The following ANAPC2 variants were observed in gnomAD, a reference collection of about 807,000 sequenced individuals.
The protein encoded by ANAPC2 is anaphase-promoting complex subunit 2.
In ANAPC2, 29 loss-of-function variants were observed where a neutral mutation model predicts 84.3. That is an observed-to-expected ratio of 0.34 (90% confidence interval 0.26 to 0.47). The LOEUF (loss-of-function observed/expected upper bound fraction) is 0.47. Ranked by LOEUF, ANAPC2 falls within the 20% of genes least tolerant of loss-of-function variation. The probability of loss-of-function intolerance (pLI) is 1.00; values close to 1 mark genes in which losing one functional copy is unlikely to be tolerated. For missense variants in ANAPC2, 857 were observed against 1,131.7 expected, an observed-to-expected ratio of 0.76 and a Z score of 3.48; for synonymous variants, 571 against 479.4, an observed-to-expected ratio of 1.19 and a Z score of -2.50.
In ANAPC2 at chr9:137,183,654, C is replaced by G; in HGVS notation, c.1168+18G>C. On this transcript the variant is annotated intron_variant, in intron 5 of 12. Coordinates refer to ENST00000323927, the MANE Select transcript of ANAPC2 (RefSeq NM_013366.4). ...TGTCTAAGCCCAGAGTGCTGGGTGG[C>G]CGGGCAGCACACAGCACCTGGATGC... 6.2e-7 allele frequency: 1 copy of G among 1,604,286 alleles called. No homozygotes were observed. Among genetic ancestry groups the G allele is most frequent in the Non-Finnish European group, 8.5e-7 (1 of 1,175,002 alleles).
At chr9:137,185,310 G>A (rs776592276) in intron 3 of ANAPC2, among the ~76,000 whole-genome samples, 13 of 152,210 alleles carry the variant, frequency 8.5e-5, no homozygotes, top group Non-Finnish European at 1.3e-4. Flanking sequence ...CCTCTCACAC[G>A]CGCCAGTGCC....
chr9:137,187,132 G>A lies in ANAPC2; in HGVS notation c.740+349C>T, dbSNP rs117274180. 2.4e-3 allele frequency: 670 copies of A among 276,990 alleles called. 2 individuals carry two copies. Among genetic ancestry groups the A allele is most frequent in the Non-Finnish European group, 4.0e-3 (572 of 144,766 alleles). 17.2% of individuals were successfully genotyped at this position (276,990 alleles called of 1,614,324 possible). A position where few individuals can be genotyped will look rare whatever the true frequency, so the allele number is the denominator to read the frequency against. On this transcript the variant is annotated intron_variant, in intron 2 of 12. Transcript: ENST00000323927. ...GCTTCTGTTCACAATTACAGGGCAA[G>A]GAATGTCGACGAGGGTGAGAATCAT...
Position 137,180,433 on chromosome 9 carries a change from G to C in ANAPC2, c.1686+19C>G. ...GGGACCTGCGGGGCGGCCGGGCAGCGGGCGGGGCTGGGACCCACCTTCAGC... is the reference window on the plus strand; with the variant it reads ...GGGACCTGCGGGGCGGCCGGGCAGCCGGCGGGGCTGGGACCCACCTTCAGC... On this transcript the variant is annotated intron_variant, in intron 9 of 12. Coordinates refer to ENST00000323927, the MANE Select transcript of ANAPC2 (RefSeq NM_013366.4). The C allele has an allele frequency of 6.2e-7, 1 of 1,612,724 alleles. No homozygotes were observed. Among genetic ancestry groups the C allele is most frequent in the African/African-American group, 1.3e-5 (1 of 75,072 alleles).
chr9:137,175,114 T>G lies in ANAPC2; in HGVS notation c.2297A>C (p.Glu766Ala). 6.2e-7 allele frequency: 1 copy of G among 1,609,288 alleles called. No individual in the cohort carries two copies. Among genetic ancestry groups the G allele is most frequent in the Non-Finnish European group, 8.5e-7 (1 of 1,178,404 alleles). The change falls in exon 13 of 13, where the codon GAG (glutamate) becomes GCG (alanine). Residue 766 changes from glutamate to alanine, a missense_variant. Glu to Ala is a moderately radical substitution (Grantham distance 107, BLOSUM62 -1). Coordinates refer to ENST00000323927, the MANE Select transcript of ANAPC2 (RefSeq NM_013366.4). ...TYIQAMLTNL[E>A]SLSLDRIYNM... ...GTAGATACGATCCAGTGAGAGGCTC[T>G]CCAGGTTGGTCAGCATGGCCTGGAT... is the stretch of plus-strand genomic sequence containing the variant.
At position 137,184,942 on chromosome 9, in the gene ANAPC2, C is replaced by G; in HGVS notation, c.1019G>C (p.Arg340Pro). The G allele has an allele frequency of 1.2e-6, 2 of 1,612,622 alleles. No individual in the cohort carries two copies. Among genetic ancestry groups the G allele is most frequent in the Non-Finnish European group, 1.7e-6 (2 of 1,179,678 alleles). ...RFFYRIYASL[R>P]IEELFSIVRD... ...GACGATGCTGAAGAGCTCCTCGATGCGCAGGCTGGCGTAGATGCGGTAGAA... is the reference window on the plus strand; with the variant it reads ...GACGATGCTGAAGAGCTCCTCGATGGGCAGGCTGGCGTAGATGCGGTAGAA... Residue 340 changes from arginine (R) to proline (P), a missense_variant, in exon 4 of 13, where the codon CGC (arginine) becomes CCC (proline). Physicochemically the swap from Arg to Pro is moderately radical, Grantham distance 103 (BLOSUM62 -2). Around this residue, in one of 3 missense-constraint regions of ANAPC2, gnomAD observed 428 missense variants for 513.8 expected, o/e 0.83. Coordinates refer to ENST00000323927, the MANE Select transcript of ANAPC2 (RefSeq NM_013366.4).
rs548242861 is a variant in ANAPC2, at chr9:137,184,553, C to T, written c.1048+360G>A. Among the ~76,000 whole-genome samples the T allele has an allele frequency of 8.3e-5, 12 of 144,142 alleles. No homozygotes were observed. In the East Asian group the frequency reaches 2.5e-3, roughly 30 times the overall value. 94.6% of individuals were successfully genotyped at this position (144,142 alleles called of 152,430 possible). On this transcript the variant is annotated intron_variant, in intron 4 of 12. Transcript: ENST00000323927. ...CAGCGAAGGCCCTGGGAGCCCCAGACGCAGACACAGGGAGCCCAGACGCAG... is the reference window on the plus strand; with the variant it reads ...CAGCGAAGGCCCTGGGAGCCCCAGATGCAGACACAGGGAGCCCAGACGCAG...
intron 2 of ANAPC2, chr9:137,187,058 CT>C: frequency 5.3e-6 from 1 of 189,704 alleles, no homozygotes; most frequent in Admixed American, 5.3e-5. Context: ...TAACAAGAGA[CT>C]GCTTGCCCTC....
chr9:137,184,820 G>A lies in ANAPC2; in HGVS notation c.1048+93C>T, dbSNP rs889417170. 3.3e-6 allele frequency: 5 copies of A among 1,494,290 alleles called. No homozygotes were observed. In the Admixed American group the frequency reaches 6.8e-5, roughly 20 times the overall value. The allele number at this position is 1,494,290 out of a possible 1,614,324, so 92.6% of individuals were successfully genotyped here. On this transcript the variant is annotated intron_variant, in intron 4 of 12. Coordinates refer to ENST00000323927, the MANE Select transcript of ANAPC2 (RefSeq NM_013366.4). ...CAGAGCAGACACGGTGAAGGCACAG[G>A]GAGCCCAGATGCAGACACAGAGGAG...
At chr9:137,178,697 G>T (rs552940884) in intron 10 of ANAPC2, among the ~76,000 whole-genome samples, 16 of 152,132 alleles carry the variant, frequency 1.1e-4, no homozygotes, top group Non-Finnish European at 2.1e-4. Context: ...CCTTTCCACC[G>T]AGAGCAGGTG....
Position 137,175,260 on chromosome 9 carries a change from C to T in ANAPC2, c.2233G>A (p.Asp745Asn), listed in dbSNP as rs769457762. 42 of 1,612,332 alleles carry T rather than the reference C, an allele frequency of 2.6e-5. No individual in the cohort carries two copies. Among genetic ancestry groups the T allele is most frequent in the Middle Eastern group, 1.6e-4 (1 of 6,084 alleles). The change falls in exon 12 of 13, where the codon GAC (aspartate) becomes AAC (asparagine). Residue 745 changes from aspartate to asparagine, a missense_variant. By Grantham distance (23) the Asp-to-Asn change is conservative (BLOSUM62 1). Transcript: ENST00000323927. ...ESDSGMASQADQKEEELLLFW... is the reference protein window; with the variant it reads ...ESDSGMASQANQKEEELLLFW... Reference sequence around the variant, plus strand: ...ACCAGCAGCTCCTCCTCCTTCTGGTCGGCCTGGGAGGCCATGCCGGAGTCG... The same window carrying T: ...ACCAGCAGCTCCTCCTCCTTCTGGTTGGCCTGGGAGGCCATGCCGGAGTCG...
At chr9:137,186,515 G>A in intron 2 of ANAPC2, 159 bp from the exon 3 acceptor site, 1 of 1,120,020 alleles carries the variant, frequency 8.9e-7, no homozygotes, top group Admixed American at 2.7e-5. Context: ...GCTGTGGGGG[G>A]CGGTTGTACC....
intron 10 of ANAPC2, among the ~76,000 whole-genome samples, chr9:137,178,678 C>T (rs1277044133): frequency 6.6e-6 from 1 of 151,836 alleles, no homozygotes; most frequent in Non-Finnish European, 1.5e-5. Flanking sequence ...TGGGGATGGC[C>T]AGGGTGCTCC....
At chr9:137,182,678 T>C (rs995895138) in intron 6 of ANAPC2, among the ~76,000 whole-genome samples, 2 of 152,044 alleles carry the variant, frequency 1.3e-5, no homozygotes, top group African/African-American at 4.8e-5. Flanking sequence ...CCCTGAGGAA[T>C]TCCCAGGCAG....
intron 10 of ANAPC2, chr9:137,176,191 AG>A: frequency 5.9e-6 from 1 of 170,690 alleles, no homozygotes; most frequent in African/African-American, 3.9e-5. Context: ...AAAGATAGGA[AG>A]ACACAGGCAG....
chr9:137,188,290 G>T, intron 1 of ANAPC2, 126 bp downstream of exon 1: 1 of 1,306,994 alleles, frequency 7.7e-7, no homozygotes, highest in Non-Finnish European at 1.0e-6. Context: ...AAAGGTGGTG[G>T]AAAATGGCAG....
At chr9:137,182,183 A>T (rs1384787356) in intron 6 of ANAPC2, among the ~76,000 whole-genome samples, 1 of 151,860 alleles carries the variant, frequency 6.6e-6, no homozygotes, top group Admixed American at 6.6e-5. Context: ...CTGCACTCCA[A>T]CAGAGCGAGA....
At chr9:137,185,135 C>CG in intron 3 of ANAPC2, 48 bp from the exon 4 acceptor site, 1 of 1,457,560 alleles carries the variant, frequency 6.9e-7, no homozygotes, top group Non-Finnish European at 9.0e-7. Context: ...TGGTGAGCCC[C>CG]GGGCTGACTC....
intron 10 of ANAPC2, among the ~76,000 whole-genome samples, chr9:137,178,419 A>G (rs1305318420): frequency 6.6e-6 from 1 of 152,210 alleles, no homozygotes; most frequent in East Asian, 1.9e-4. Flanking sequence ...TGGCTGTCCC[A>G]GCACATCAGG....
At position 137,187,641 on chromosome 9, in the gene ANAPC2, C is replaced by T. The variant is rs770146815; in HGVS notation, c.580G>A (p.Gly194Ser). 2.2e-5 allele frequency: 36 copies of T among 1,614,012 alleles called. No homozygotes were observed. Among genetic ancestry groups the T allele is most frequent in the Non-Finnish European group, 2.8e-5 (33 of 1,180,040 alleles). Residue 194 changes from glycine to serine, a missense_variant, in exon 2 of 13, where the codon GGC (glycine) becomes AGC (serine). Physicochemically the swap from Gly to Ser is moderately conservative, Grantham distance 56. Transcript: ENST00000323927. ...YMQSKRKGEG[G>S]TDPELEGELD... ...TCCCCTTCCAGTTCCGGGTCTGTGC[C>T]CCCTTCCCCCTTCCTCTTACTCTGC...
Sources: gnomAD v4.1 joint callset for allele counts (sites outside exome capture counted in the v4.1 genomes callset) on GRCh38, gnomAD v4.1.1 for gene constraint, gnomAD v4.1.1 regional missense constraint, MANE v1.5 for transcripts, NCBI Gene and HGNC (gene_info 2026-07-23, HGNC 2026-07-21) for gene names.